The following CUX1 variants were observed in gnomAD, a reference collection of about 807,000 sequenced individuals.
The protein encoded by CUX1 is protein CASP.
CUX1 carries 31 observed loss-of-function variants against 158.8 expected under a neutral mutation model. That is an observed-to-expected ratio of 0.20 (90% CI 0.15 to 0.26). The LOEUF is 0.26. Ranked by LOEUF, CUX1 falls within the 10% of genes least tolerant of loss-of-function variation. The probability of loss-of-function intolerance (pLI) is 1.00; values close to 1 mark genes in which losing one functional copy is unlikely to be tolerated. For missense variants in CUX1, 1,589 were observed against 2,014.6 expected, an observed-to-expected ratio of 0.79 and a Z score of 4.04; for synonymous variants, 879 against 862.1, an observed-to-expected ratio of 1.02 and a Z score of -0.34.
chr7:101,882,158 C>T (rs931663257), intron 1 of CUX1, among the ~76,000 whole-genome samples: 2 of 152,108 alleles, frequency 1.3e-5, no homozygotes, highest in Non-Finnish European at 2.9e-5. Context: ...GCACTCCAGC[C>T]TGGGCAACAG....
intron 8 of CUX1, among the ~76,000 whole-genome samples, chr7:102,145,456 G>T (rs111544992): frequency 6.6e-6 from 1 of 151,602 alleles, no homozygotes; most frequent in Non-Finnish European, 1.5e-5. Flanking sequence ...GGAAGTGAGC[G>T]CTCACCAGAA....
intron 2 of CUX1, among the ~76,000 whole-genome samples, chr7:101,999,248 G>C (rs1267283189): frequency 9.5e-6 from 1 of 104,900 alleles, no homozygotes; most frequent in East Asian, 4.1e-4. Flanking sequence ...TTTAAGATGG[G>C]GTCTTGCTTG....
chr7:101,881,462 T>G (rs1027432185), intron 1 of CUX1, among the ~76,000 whole-genome samples: 1 of 152,240 alleles, frequency 6.6e-6, no homozygotes, highest in Non-Finnish European at 1.5e-5. Context: ...ATACACTGAC[T>G]ACCTCCCTTG....
At chr7:101,886,204 T>C (rs1800210138) in intron 1 of CUX1, among the ~76,000 whole-genome samples, 1 of 151,946 alleles carries the variant, frequency 6.6e-6, no homozygotes, top group South Asian at 2.1e-4. Context: ...GCCTTTTTCT[T>C]TTTTTTTGAG....
intron 9 of CUX1, among the ~76,000 whole-genome samples, chr7:102,159,618 T>TG (rs1258122209): frequency 1.3e-5 from 2 of 151,732 alleles, no homozygotes; most frequent in Non-Finnish European, 2.9e-5. Flanking sequence ...CCCAGCAGTC[T>TG]GGGGGGCCAA....
chr7:101,994,015 C>T (rs1447989910), intron 2 of CUX1, among the ~76,000 whole-genome samples: 1 of 152,220 alleles, frequency 6.6e-6, no homozygotes, highest in Non-Finnish European at 1.5e-5. Context: ...CCATCTGTCT[C>T]CACACATTGA....
intron 3 of CUX1, among the ~76,000 whole-genome samples, chr7:102,043,445 G>T (rs1822365340): frequency 6.6e-6 from 1 of 151,014 alleles, no homozygotes; most frequent in Non-Finnish European, 1.5e-5. Flanking sequence ...TAGTCACCAT[G>T]CTGTACCTTG....
At chr7:102,262,801 G>C (rs1237338436), downstream of CUX1, among the ~76,000 whole-genome samples, 1 of 152,172 alleles carries the variant, frequency 6.6e-6, no homozygotes, top group Non-Finnish European at 1.5e-5. Context: ...TTGCCGCGGG[G>C]TAGTATCCAC....
intron 2 of CUX1, among the ~76,000 whole-genome samples, chr7:102,002,732 G>A (rs187568923): frequency 1.2e-3 from 176 of 152,254 alleles, no homozygotes; most frequent in Admixed American, 2.0e-3. Context: ...CCACCCGGCA[G>A]TGAGTGCTCT....
chr7:102,013,007 G>A (rs556388387), intron 2 of CUX1, among the ~76,000 whole-genome samples: 7 of 151,972 alleles, frequency 4.6e-5, no homozygotes, highest in African/African-American at 1.5e-4. Flanking sequence ...AAATTCTTGC[G>A]GTAATCCTTA....
intron 2 of CUX1, among the ~76,000 whole-genome samples, chr7:101,927,740 A>T (rs541547954): frequency 7.2e-5 from 11 of 152,340 alleles, no homozygotes; most frequent in Admixed American, 2.0e-4. Flanking sequence ...TCTGGGCCAA[A>T]GGCCCAGAAA....
intron 3 of CUX1, among the ~76,000 whole-genome samples, chr7:102,036,544 C>T (rs1443280192): frequency 1.3e-5 from 2 of 151,532 alleles, no homozygotes; most frequent in African/African-American, 4.9e-5. Flanking sequence ...GTTCCATACA[C>T]CAGCCTGACC....
intron 4 of CUX1, among the ~76,000 whole-genome samples, chr7:102,072,427 A>C (rs1826231530): frequency 6.6e-6 from 1 of 152,216 alleles, no homozygotes; most frequent in South Asian, 2.1e-4. Flanking sequence ...GGCTAAATTG[A>C]AGTTACAAAG....
chr7:102,283,364 C>T (rs910793067), exon 23 of CUX1: 38 of 490,306 alleles, frequency 7.8e-5, no homozygotes, highest in Non-Finnish European at 2.6e-5. Context: ...GGGCTCTGCC[C>T]GCAGCCTGAC....
chr7:102,115,457 C>A (rs1831345894), intron 8 of CUX1, 184 bp downstream of exon 8: 2 of 502,084 alleles, frequency 4.0e-6, no homozygotes, highest in African/African-American at 2.0e-5. Flanking sequence ...TTCCAACAAA[C>A]TTCTTTCCTT....
intron 7 of CUX1, among the ~76,000 whole-genome samples, chr7:102,113,547 C>T (rs540190645): frequency 2.6e-5 from 4 of 152,266 alleles, no homozygotes; most frequent in Admixed American, 1.3e-4. Context: ...TGAGCCACTG[C>T]ACCCAGCCTA....
chr7:101,912,045 C>T (rs1052447163), intron 1 of CUX1, among the ~76,000 whole-genome samples: 4 of 152,218 alleles, frequency 2.6e-5, no homozygotes, highest in African/African-American at 9.6e-5. Context: ...CTGCCAGCTT[C>T]CCATGACCTG....
chr7:101,898,884 A>G (rs1268247080), intron 1 of CUX1, among the ~76,000 whole-genome samples: 3 of 152,070 alleles, frequency 2.0e-5, no homozygotes, highest in African/African-American at 2.4e-5. Flanking sequence ...AAGCCACCGC[A>G]CCCGGCTAAT....
chr7:101,975,550 C>T (rs1012770329), intron 2 of CUX1, among the ~76,000 whole-genome samples: 26 of 151,886 alleles, frequency 1.7e-4, no homozygotes, highest in African/African-American at 5.8e-4. Flanking sequence ...AACGAGACCC[C>T]GTCTCTAAAA....
Sources: gnomAD v4.1 joint callset for allele counts (sites outside exome capture counted in the v4.1 genomes callset) on GRCh38, gnomAD v4.1.1 for gene constraint, MANE v1.5 for transcripts, NCBI Gene and HGNC (gene_info 2026-07-23, HGNC 2026-07-21) for gene names.